The following ATG16L2 variants were observed in gnomAD, a reference collection of about 807,000 sequenced individuals.
ATG16L2 encodes protein Atg16l2.
ATG16L2 carries 77 observed loss-of-function variants against 84.7 expected under a neutral mutation model. That is an observed-to-expected ratio of 0.91 (90% confidence interval 0.76 to 1.10). The LOEUF (loss-of-function observed/expected upper bound fraction) is 1.10, where lower values mean the gene tolerates loss of function less well. ATG16L2 is among the 50% of genes least tolerant of loss of function. The pLI is 0.00. For missense variants in ATG16L2, 782 were observed against 817.6 expected (o/e 0.96, Z 0.53); for synonymous variants, 361 against 342.8 (o/e 1.05, Z -0.59).
chr11:72,832,687 A>G (rs940889279), downstream of ATG16L2, among the ~76,000 whole-genome samples: 11 of 152,206 alleles, frequency 7.2e-5, no homozygotes, highest in Non-Finnish European at 1.3e-4. Flanking sequence ...GCCCGCACTC[A>G]TGGGTATAAA....
At position 72,828,381 on chromosome 11, in the gene ATG16L2, A is replaced by G. The variant is rs1860485991; in HGVS notation, c.1495A>G (p.Ile499Val). 6.2e-7 allele frequency: 1 copy of G among 1,614,096 alleles called. No individual in the cohort carries two copies. The highest frequency in any genetic ancestry group is 8.5e-7 in the Non-Finnish European group (1 of 1,180,000). Reference sequence around the variant, plus strand: ...CAGGGGGCCCCACTGCACCCAGGTCATCCCTGTGCAGGGCCGGGTCACCTC... The same window carrying G: ...CAGGGGGCCCCACTGCACCCAGGTCGTCCCTGTGCAGGGCCGGGTCACCTC... Reference protein sequence around the residue: ...DSRGPHCTQVIPVQGRVTSLS... With the variant: ...DSRGPHCTQVVPVQGRVTSLS... Residue 499 changes from isoleucine (I) to valine (V), a missense_variant, in exon 15 of 18, where the codon ATC becomes GTC. By Grantham distance (29) the Ile-to-Val change is conservative (BLOSUM62 3). Coordinates refer to ENST00000321297, the MANE Select transcript of ATG16L2 (RefSeq NM_033388.2).
chr11:72,822,273 C>T lies in ATG16L2; in HGVS notation c.622C>T (p.Leu208=). 6.6e-7 allele frequency: 1 copy of T among 1,508,180 alleles called. No individual in the cohort carries two copies. Among genetic ancestry groups the T allele is most frequent in the African/African-American group, 1.4e-5 (1 of 70,380 alleles). 93.4% of individuals were successfully genotyped at this position (1,508,180 alleles called of 1,614,324 possible). Residue 208 remains leucine, a synonymous_variant, in exon 5 of 18, where the codon CTG becomes TTG. Coordinates refer to ENST00000321297, the MANE Select transcript of ATG16L2 (RefSeq NM_033388.2). This position sits in a 1 kb window ranked among gnomAD's most constrained non-coding sequence, Gnocchi z 4.2. The part of the protein sequence containing the change: ...RKARAAAERN[L]RNERRERAKQ... ...GGCGCGCGCCGCGGCCGAGCGCAAC[C>T]TGCGCAACGAGCGCCGGGAGCGGTG...
intron 5 of ATG16L2, chr11:72,838,802 T>C: frequency 6.2e-7 from 1 of 1,603,274 alleles, no homozygotes; most frequent in Non-Finnish European, 8.5e-7. Context: ...CACACCAGTG[T>C]GATTTCCACA....
intron 10 of ATG16L2, 116 bp downstream of exon 10, chr11:72,825,523 C>G: frequency 2.5e-6 from 2 of 792,608 alleles, no homozygotes; most frequent in Non-Finnish European, 4.2e-6. Context: ...CTGGAATATT[C>G]TGTGGGCAGT....
chr11:72,816,668 A>T, intron 1 of ATG16L2, 60 bp from the exon 2 acceptor site: 1 of 1,382,930 alleles, frequency 7.2e-7, no homozygotes, highest in Non-Finnish European at 1.0e-6. Context: ...GATAAATTGC[A>T]TGCCAGGGGG....
rs1027783912 is a variant in ATG16L2 at position 72,828,053 on chromosome 11, TTCTC to T, written c.1473-299_1473-296del. ...AGCAATTACTGTTTGCAACCCTTCC[TTCTC>T]TCTCTCATATTTTTTAAAGACGAGA... On this transcript the variant is annotated intron_variant, in intron 14 of 17. Transcript: ENST00000321297. Among the ~76,000 whole-genome samples, 3 of 152,236 alleles carry T rather than the reference TTCTC, an allele frequency of 2.0e-5. No individual in the cohort carries two copies. The South Asian group carries it at 6.2e-4, about 31-fold the overall frequency.
Position 72,817,806 on chromosome 11 carries a change from G to C in ATG16L2, c.269G>C (p.Arg90Thr). Residue 90 changes from arginine (R) to threonine (T), a missense_variant, in exon 3 of 18, where the codon AGG becomes ACG. Arg to Thr is a moderately conservative substitution (Grantham distance 71). Coordinates refer to ENST00000321297, the MANE Select transcript of ATG16L2 (RefSeq NM_033388.2). ...SDQVPSLVAL[R>T]VKWQEEEEGL... ...CAAGTCCCATCACTGGTCGCACTGAGGGTGAAGTGGCAGGAGGAGGAGGAG... is the reference window on the plus strand; with the variant it reads ...CAAGTCCCATCACTGGTCGCACTGACGGTGAAGTGGCAGGAGGAGGAGGAG... The C allele has an allele frequency of 6.2e-7, 1 of 1,613,554 alleles. No homozygotes were observed. The highest frequency in any genetic ancestry group is 8.5e-7 in the Non-Finnish European group (1 of 1,180,038).
intron 5 of ATG16L2, among the ~76,000 whole-genome samples, chr11:72,834,698 TCA>T (rs1461570124): frequency 5.9e-5 from 9 of 151,992 alleles, no homozygotes; most frequent in Admixed American, 2.0e-4. Flanking sequence ...TTCTCCTGCC[TCA>T]GTCTCCCGAG....
At chr11:72,835,182 C>T (rs145084668) in intron 5 of ATG16L2, among the ~76,000 whole-genome samples, 4 of 152,136 alleles carry the variant, frequency 2.6e-5, no homozygotes, top group Admixed American at 6.5e-5. Flanking sequence ...CCTCCAGTAC[C>T]GAAAGCAGCT....
exon 6 of ATG16L2, chr11:72,843,648 G>T (rs1861035737): frequency 1.4e-6 from 1 of 706,160 alleles, no homozygotes; most frequent in Non-Finnish European, 2.4e-6. Context: ...GAAACATGTT[G>T]AACATAAAAA....
intron 15 of ATG16L2, 73 bp downstream of exon 15, chr11:72,828,581 C>A: frequency 6.2e-7 from 1 of 1,600,082 alleles, no homozygotes; most frequent in South Asian, 1.1e-5. Flanking sequence ...TGTAATAGAC[C>A]CTCTTGGAGC....
intron 5 of ATG16L2, chr11:72,838,329 C>A (rs76762469): frequency 0.045 from 6,948 of 155,416 alleles, 217 homozygotes; most frequent in Non-Finnish European, 0.067. Context: ...CTTCTGTTTC[C>A]TTATGTAGCC....
rs1860559739 is a variant in ATG16L2, at chr11:72,829,609, C to G, written c.*219C>G. 9 of 1,351,040 alleles carry G rather than the reference C, an allele frequency of 6.7e-6. No homozygotes were observed. The highest frequency in any genetic ancestry group is 8.6e-6 in the Non-Finnish European group (9 of 1,051,218). The allele number at this position is 1,351,040 out of a possible 1,614,324, so 83.7% of individuals were successfully genotyped here. The stretch of plus-strand genomic sequence containing the variant: ...TATCTCTATCTCCTCACTTTTTCTC[C>G]CAAAGTAGAAAAAAATGATATCTGA... On this transcript the variant is annotated 3_prime_UTR_variant, in exon 18 of 18. Coordinates refer to ENST00000321297, the MANE Select transcript of ATG16L2 (RefSeq NM_033388.2).
Position 72,814,512 on chromosome 11 carries a change from C to T in ATG16L2, c.67C>T (p.Arg23Trp). The T allele has an allele frequency of 6.4e-7, 1 of 1,556,414 alleles. No homozygotes were observed. Among genetic ancestry groups the T allele is most frequent in the Non-Finnish European group, 8.7e-7 (1 of 1,150,350 alleles). The change falls in exon 1 of 18, where the codon CGG becomes TGG. Residue 23 changes from arginine to tryptophan, a missense_variant. Physicochemically the swap from Arg to Trp is moderately radical, Grantham distance 101. Transcript: ENST00000321297. ...RWKRHIVRQL[R>W]LRDRTQKALF... ...GAAACGCCACATCGTGCGGCAGCTG[C>T]GGCTTCGGGACCGTACGCAAAAGGC... is the stretch of plus-strand genomic sequence containing the variant.
chr11:72,819,784 T>G (rs907200002), intron 3 of ATG16L2, among the ~76,000 whole-genome samples: 1 of 152,060 alleles, frequency 6.6e-6, no homozygotes, highest in South Asian at 2.1e-4. Context: ...CTCACTCTGT[T>G]GCCCAGGCTG....
chr11:72,828,354 C>T lies in ATG16L2; in HGVS notation c.1473-5C>T, dbSNP rs1860484385. On this transcript the variant is annotated splice_region_variant and splice_polypyrimidine_tract_variant and intron_variant, in intron 14 of 17. Transcript: ENST00000321297. ...CTCATCCCTGTCTCTGTCCTTGTTC[C>T]TCAGGGGGCCCCACTGCACCCAGGT... 1.2e-6 allele frequency: 2 copies of T among 1,614,022 alleles called. No individual in the cohort carries two copies. The highest frequency in any genetic ancestry group is 1.7e-6 in the Non-Finnish European group (2 of 1,179,930).
intron 5 of ATG16L2, chr11:72,841,674 C>T (rs1322000803): frequency 7.6e-7 from 1 of 1,314,832 alleles, no homozygotes; most frequent in African/African-American, 1.5e-5. Context: ...CATGCCTTTT[C>T]TCTAAAGCTA....
In ATG16L2 at chr11:72,829,500, G is replaced by A. The variant is rs1253140836; in HGVS notation, c.*110G>A. Reference sequence around the variant, plus strand: ...TGGAGCTGGCCTTGGGATTTAATGGGGAAGAAGGCCTGGCAGGACCTGGCC... The same window carrying A: ...TGGAGCTGGCCTTGGGATTTAATGGAGAAGAAGGCCTGGCAGGACCTGGCC... On this transcript the variant is annotated 3_prime_UTR_variant, in exon 18 of 18. Coordinates refer to ENST00000321297, the MANE Select transcript of ATG16L2 (RefSeq NM_033388.2). 4 of 1,462,374 alleles carry A rather than the reference G, an allele frequency of 2.7e-6. No homozygotes were observed. The East Asian group carries it at 7.4e-5, about 27-fold the overall frequency. The allele number at this position is 1,462,374 out of a possible 1,614,324, so 90.6% of individuals were successfully genotyped here. A position where few individuals can be genotyped will look rare whatever the true frequency, so the allele number is the denominator to read the frequency against.
chr11:72,837,491 C>T (rs997049591), intron 5 of ATG16L2: 2 of 152,064 alleles, frequency 1.3e-5, no homozygotes, highest in Middle Eastern at 3.4e-3. Flanking sequence ...AAACCACAAC[C>T]GGCGAACATC....
Sources: allele counts gnomAD v4.1 joint callset (sites outside exome capture counted in the v4.1 genomes callset), GRCh38; gene constraint gnomAD v4.1.1; non-coding constraint Gnocchi (gnomAD v3.1); transcripts MANE v1.5; gene names NCBI Gene and HGNC (gene_info 2026-07-23, HGNC 2026-07-21).